The following RBFOX1 variants were observed in gnomAD, a reference collection of about 807,000 sequenced individuals.
The protein encoded by RBFOX1 is RNA binding protein fox-1 homolog 1.
In RBFOX1, 8 loss-of-function variants were observed where a neutral mutation model predicts 57.7. That is an observed-to-expected ratio of 0.14 (90% confidence interval 0.08 to 0.25). The LOEUF is 0.25. RBFOX1 is among the 10% of genes least tolerant of loss of function. The pLI, the probability that RBFOX1 is intolerant of heterozygous loss-of-function variation, is 1.00. For missense variants in RBFOX1, 611 were observed against 548.5 expected (o/e 1.11, Z -1.14); for synonymous variants, 326 against 222.4 (o/e 1.47, Z -4.15).
chr16:6,927,769 T>C (rs1483222696), intron 3 of RBFOX1, among the ~76,000 whole-genome samples: 1 of 152,086 alleles, frequency 6.6e-6, no homozygotes, highest in Non-Finnish European at 1.5e-5. Context: ...TCTCCAATCA[T>C]TGTTTTTGTT....
chr16:5,424,877 TTC>T (rs1201135944), intron 1 of RBFOX1, among the ~76,000 whole-genome samples: 5 of 10,952 alleles, frequency 4.6e-4, no homozygotes, highest in South Asian at 2.7e-3. Context: ...TTTCTTTTTT[TTC>T]TTTCTTTCTT....
At chr16:5,905,061 G>C (rs915421864) in intron 4 of RBFOX1, among the ~76,000 whole-genome samples, 6 of 128,636 alleles carry the variant, frequency 4.7e-5, no homozygotes, top group African/African-American at 1.8e-4. Flanking sequence ...CATATGACTG[G>C]TGCTTTTTTT....
At chr16:7,256,315 G>T (rs545979600) in intron 4 of RBFOX1, among the ~76,000 whole-genome samples, 1 of 152,142 alleles carries the variant, frequency 6.6e-6, no homozygotes, top group Admixed American at 6.5e-5. Context: ...CACAGTCAGC[G>T]AGCAGATCTC....
chr16:6,694,012 G>A (rs2060652345), intron 3 of RBFOX1, among the ~76,000 whole-genome samples: 1 of 152,224 alleles, frequency 6.6e-6, no homozygotes, highest in Admixed American at 6.5e-5. Flanking sequence ...TACAAGTTTA[G>A]TTTTCTATTG....
chr16:6,015,785 G>A (rs184728920), upstream of RBFOX1, among the ~76,000 whole-genome samples: 14 of 152,238 alleles, frequency 9.2e-5, no homozygotes, highest in East Asian at 2.7e-3. Context: ...CTGCCCTTCT[G>A]CCATATCTGG....
chr16:6,785,170 G>A (rs1369295449), intron 3 of RBFOX1, among the ~76,000 whole-genome samples: 9 of 152,156 alleles, frequency 5.9e-5, no homozygotes, highest in Admixed American at 4.6e-4. Context: ...AGAGATCTAC[G>A]AGATCTGGTC....
At chr16:5,955,321 TA>T (rs60339420) in intron 4 of RBFOX1, among the ~76,000 whole-genome samples, 2,181 of 24,872 alleles carry the variant, frequency 0.088, 243 homozygotes, top group African/African-American at 0.25. Context: ...TAAAATAAAA[TA>T]AAATAAAATA....
chr16:7,450,392 CA>C (rs57188328), intron 4 of RBFOX1, among the ~76,000 whole-genome samples: 1 of 69,592 alleles, frequency 1.4e-5, no homozygotes, highest in Non-Finnish European at 2.5e-5. Context: ...GACTCTGTCT[CA>C]AAAAAAAAAA....
chr16:7,080,655 T>C (rs553597974), intron 4 of RBFOX1, among the ~76,000 whole-genome samples: 74 of 152,308 alleles, frequency 4.9e-4, no homozygotes, highest in African/African-American at 1.7e-3. Context: ...TTTTTCTAGC[T>C]GCATGCTGCC....
At chr16:7,486,573 G>C (rs1040214577) in intron 4 of RBFOX1, among the ~76,000 whole-genome samples, 8 of 152,218 alleles carry the variant, frequency 5.3e-5, no homozygotes, top group African/African-American at 1.7e-4. Flanking sequence ...AGTGGCTTGA[G>C]GATTCAGGGG....
intron 3 of RBFOX1, among the ~76,000 whole-genome samples, chr16:6,950,113 ATTTT>A (rs58222300): frequency 8.3e-6 from 1 of 120,934 alleles, no homozygotes; most frequent in African/African-American, 3.4e-5. Context: ...CGCAGAGGTA[ATTTT>A]TTTTTTTTTT....
At chr16:7,547,379 G>A (rs143248640) in intron 5 of RBFOX1, among the ~76,000 whole-genome samples, 1 of 152,316 alleles carries the variant, frequency 6.6e-6, no homozygotes, top group Non-Finnish European at 1.5e-5. Flanking sequence ...CACAGTTTCT[G>A]CAAACATAAT....
chr16:6,624,293 T>A (rs908513382), intron 2 of RBFOX1, among the ~76,000 whole-genome samples: 1 of 152,230 alleles, frequency 6.6e-6, no homozygotes, highest in East Asian at 1.9e-4. Context: ...TACCTTTTAA[T>A]AGTCTGTTTT....
At chr16:6,263,821 T>C (rs1215552920) in intron 1 of RBFOX1, among the ~76,000 whole-genome samples, 1 of 152,228 alleles carries the variant, frequency 6.6e-6, no homozygotes, top group Non-Finnish European at 1.5e-5. Flanking sequence ...GTGAACTAGA[T>C]GCTTCCATCC....
chr16:5,893,839 T>A (rs575316286), intron 4 of RBFOX1, among the ~76,000 whole-genome samples: 1 of 151,698 alleles, frequency 6.6e-6, no homozygotes, highest in African/African-American at 2.4e-5. Context: ...CCCATAAATA[T>A]ATGCACCTGC....
intron 3 of RBFOX1, among the ~76,000 whole-genome samples, chr16:6,951,745 C>G (rs1029863041): frequency 6.6e-6 from 1 of 152,034 alleles, no homozygotes; most frequent in African/African-American, 2.4e-5. Context: ...TTTTCTCTCT[C>G]TCTTTTGAGA....
chr16:6,548,082 G>A (rs1375269282), intron 2 of RBFOX1, among the ~76,000 whole-genome samples: 2 of 152,086 alleles, frequency 1.3e-5, no homozygotes, highest in Non-Finnish European at 2.9e-5. Flanking sequence ...ATTAACTTCA[G>A]TTCTTTGAAG....
intron 3 of RBFOX1, among the ~76,000 whole-genome samples, chr16:5,622,761 G>A (rs2048236617): frequency 6.6e-6 from 1 of 152,224 alleles, no homozygotes; most frequent in African/African-American, 2.4e-5. Context: ...AGCCAAGAAT[G>A]TTTACTGTTG....
chr16:6,375,872 G>A (rs2091110292), intron 2 of RBFOX1, among the ~76,000 whole-genome samples: 1 of 151,942 alleles, frequency 6.6e-6, no homozygotes, highest in Non-Finnish European at 1.5e-5. Context: ...TCCCTTCTTG[G>A]CCAGGACCCA....
Sources: allele counts gnomAD v4.1 joint callset (sites outside exome capture counted in the v4.1 genomes callset), GRCh38; gene constraint gnomAD v4.1.1; transcripts MANE v1.5; gene names NCBI Gene and HGNC (gene_info 2026-07-23, HGNC 2026-07-21).